The following MICAL2 variants were observed in gnomAD, a reference collection of about 807,000 sequenced individuals.
The protein encoded by MICAL2 is [F-actin]-monooxygenase MICAL2.
A neutral mutation model predicts 127.3 loss-of-function variants in MICAL2; 77 were observed. The observed-to-expected ratio is 0.60, with a 90% confidence interval of 0.50 to 0.73. The LOEUF is 0.73. MICAL2 is among the 30% of genes least tolerant of loss of function. The pLI is 0.00. For synonymous variants in MICAL2, 570 were observed against 551.1 expected, an observed-to-expected ratio of 1.03 and a Z score of -0.48; for missense variants, 1,351 against 1,434.4, an observed-to-expected ratio of 0.94 and a Z score of 0.94.
intron 30 of MICAL2, among the ~76,000 whole-genome samples, chr11:12,322,586 A>G (rs1331337686): frequency 6.6e-6 from 1 of 152,230 alleles, no homozygotes; most frequent in Non-Finnish European, 1.5e-5. Context: ...TTATTCCAGC[A>G]TTAAAAAGAA....
chr11:12,334,005 A>G (rs11022306), intron 32 of MICAL2, among the ~76,000 whole-genome samples: 62,130 of 152,108 alleles, frequency 0.41, 15,352 homozygotes, highest in Non-Finnish European at 0.56. Flanking sequence ...GTTTCGTACC[A>G]TACAAACAAA....
chr11:12,332,185 A>C (rs1006190911), intron 32 of MICAL2, among the ~76,000 whole-genome samples: 1 of 152,196 alleles, frequency 6.6e-6, no homozygotes, highest in Non-Finnish European at 1.5e-5. Flanking sequence ...GGGTTTTAGG[A>C]AATAGATATT....
chr11:12,278,109 G>A (rs1445043632), intron 1 of MICAL2, among the ~76,000 whole-genome samples: 2 of 152,290 alleles, frequency 1.3e-5, no homozygotes, highest in East Asian at 3.9e-4. Flanking sequence ...GTGTGAGTGT[G>A]AAGGCCTAGG....
chr11:12,252,224 C>T (rs945863236), intron 22 of MICAL2, among the ~76,000 whole-genome samples: 2 of 152,200 alleles, frequency 1.3e-5, no homozygotes, highest in African/African-American at 2.4e-5. Flanking sequence ...AGCTGATACA[C>T]CTGAACCTTT....
At chr11:12,249,372 C>T in intron 22 of MICAL2, 126 bp downstream of exon 22, 4 of 630,158 alleles carry the variant, frequency 6.3e-6, no homozygotes, top group African/African-American at 1.8e-5. Flanking sequence ...CACCAGGGGA[C>T]GAAGGTGGGC....
chr11:12,336,096 T>C, intron 32 of MICAL2, among the ~76,000 whole-genome samples: 1 of 152,228 alleles, frequency 6.6e-6, no homozygotes, highest in Non-Finnish European at 1.5e-5. Context: ...CATGGAACGT[T>C]CTTCCATTTG....
rs749808201 is a variant in MICAL2 at position 12,256,871 on chromosome 11, G to A, written c.3042G>A (p.Arg1014=). The change falls in exon 24 of 28, where the codon CGG becomes CGA. Residue 1014 remains arginine, a synonymous_variant. Coordinates refer to ENST00000683283, the MANE Select transcript of MICAL2 (RefSeq NM_001282663.2). ...AGAAACGTGTGTACGTGATGGAACGGCTGAGCGCCGAGGGCCACTTCTTCC... is the reference window on the plus strand; with the variant it reads ...AGAAACGTGTGTACGTGATGGAACGACTGAGCGCCGAGGGCCACTTCTTCC... The part of the protein sequence containing the change: ...FCKKRVYVME[R]LSAEGHFFHR... 7 of 1,614,186 alleles carry A rather than the reference G, an allele frequency of 4.3e-6. No homozygotes were observed. In the Admixed American group the frequency reaches 1.0e-4, roughly 23 times the overall value.
At chr11:12,266,463 A>G (rs1863610263), downstream of MICAL2, among the ~76,000 whole-genome samples, 1 of 152,254 alleles carries the variant, frequency 6.6e-6, no homozygotes, top group African/African-American at 2.4e-5. Context: ...GGCTTAAGTA[A>G]GTAAAAGAAG....
chr11:12,115,455 C>A (rs764829393), intron 1 of MICAL2, among the ~76,000 whole-genome samples: 6 of 151,950 alleles, frequency 3.9e-5, no homozygotes, highest in Admixed American at 1.3e-4. Context: ...TTCTTTTTTT[C>A]CTTTTTAACA....
At chr11:12,123,811 C>T (rs1850698170) in intron 1 of MICAL2, among the ~76,000 whole-genome samples, 1 of 150,602 alleles carries the variant, frequency 6.6e-6, no homozygotes, top group African/African-American at 2.4e-5. Context: ...GGATTTTTAC[C>T]TTCTCTGTGG....
At chr11:12,358,333 G>C in exon 35 of MICAL2, 1 of 1,614,132 alleles carries the variant, frequency 6.2e-7, no homozygotes, top group South Asian at 1.1e-5. Flanking sequence ...CGAAGAGCAA[G>C]AAGTATTCAC....
chr11:12,236,193 G>GA lies in MICAL2; in HGVS notation c.2013dup (p.Glu672ArgfsTer3). ...CCATTGCAGGTGGATGGTCAAACCG[G>GA]AGAGAATGACATGAACAAACGGAGA... is the stretch of plus-strand genomic sequence containing the variant. On this transcript the variant is annotated frameshift_variant, in exon 16 of 28. Transcript: ENST00000683283. LOFTEE classifies it high-confidence loss of function. 1 of 1,614,176 alleles carries GA rather than the reference G, an allele frequency of 6.2e-7. No individual in the cohort carries two copies. Among genetic ancestry groups the GA allele is most frequent in the Non-Finnish European group, 8.5e-7 (1 of 1,180,022 alleles).
At chr11:12,249,029 A>G (rs1457202010) in intron 21 of MICAL2, among the ~76,000 whole-genome samples, 155 bp from the exon 22 acceptor site, 1 of 152,234 alleles carries the variant, frequency 6.6e-6, no homozygotes, top group African/African-American at 2.4e-5. Context: ...TGGAGAGGAC[A>G]GCAACTACTC....
In MICAL2 at chr11:12,220,409, G is replaced by T; in HGVS notation, c.1157G>T (p.Arg386Leu). The change falls in exon 9 of 28, where the codon CGG (arginine) becomes CTG (leucine). Residue 386 changes from arginine (R) to leucine (L), a missense_variant. Arg to Leu is a moderately radical substitution (Grantham distance 102). Around this residue, in one of 2 missense-constraint regions of MICAL2, gnomAD observed 599 missense variants for 714.9 expected, o/e 0.84. Transcript: ENST00000683283. ...GAGAACGCGGCCCTGGTGCGGGAGCGGCAGGCGCACCAGCTGCTCGTGGCC... is the reference window on the plus strand; with the variant it reads ...GAGAACGCGGCCCTGGTGCGGGAGCTGCAGGCGCACCAGCTGCTCGTGGCC... ...ASENAALVRE[R>L]QAHQLLVALV... 6.2e-7 allele frequency: 1 copy of T among 1,613,336 alleles called. No homozygotes were observed. Among genetic ancestry groups the T allele is most frequent in the Admixed American group, 1.7e-5 (1 of 60,038 alleles).
intron 3 of MICAL2, among the ~76,000 whole-genome samples, chr11:12,164,951 A>G (rs1472725986): frequency 1.3e-5 from 2 of 152,132 alleles, no homozygotes; most frequent in African/African-American, 2.4e-5. Flanking sequence ...CCTGGCCAAC[A>G]TGGTGAAACC....
At chr11:12,143,962 C>T (rs1052208745) in intron 2 of MICAL2, among the ~76,000 whole-genome samples, 4 of 151,610 alleles carry the variant, frequency 2.6e-5, no homozygotes, top group Non-Finnish European at 5.9e-5. Flanking sequence ...AGAGAGAGAG[C>T]GCCAGGAACT....
Position 12,204,336 on chromosome 11 carries a change from G to T in MICAL2, c.351G>T (p.Lys117Asn). 1 of 1,614,186 alleles carries T rather than the reference G, an allele frequency of 6.2e-7. No individual in the cohort carries two copies. Among genetic ancestry groups the T allele is most frequent in the Non-Finnish European group, 8.5e-7 (1 of 1,180,020 alleles). Residue 117 changes from lysine to asparagine, a missense_variant, in exon 4 of 28, where the codon AAG becomes AAT. Lys to Asn is a moderately conservative substitution (Grantham distance 94, BLOSUM62 0). This residue lies in a region of MICAL2 where 599 missense variants were observed against 714.9 expected (regional missense o/e 0.84). Coordinates refer to ENST00000683283, the MANE Select transcript of MICAL2 (RefSeq NM_001282663.2). ...GAGCCAAAGTGGTCGTGGTGGAGAAGAGGGACTCCTTCTCCCGGAACAACG... is the reference window on the plus strand; with the variant it reads ...GAGCCAAAGTGGTCGTGGTGGAGAATAGGGACTCCTTCTCCCGGAACAACG... ...YLGAKVVVVE[K>N]RDSFSRNNVL...
At chr11:12,289,716 G>A (rs545546957), downstream of MICAL2, among the ~76,000 whole-genome samples, 90 of 152,018 alleles carry the variant, frequency 5.9e-4, no homozygotes, top group African/African-American at 2.0e-3. Context: ...CCACAGGCGC[G>A]CACCACCATG....
chr11:12,282,752 T>C (rs1863785924), intron 2 of MICAL2, among the ~76,000 whole-genome samples: 2 of 152,218 alleles, frequency 1.3e-5, no homozygotes, highest in South Asian at 4.1e-4. Flanking sequence ...CTTAACTCTG[T>C]AGTTTCTGGC....
Sources: allele counts gnomAD v4.1 joint callset (sites outside exome capture counted in the v4.1 genomes callset), GRCh38; gene constraint gnomAD v4.1.1; regional missense constraint gnomAD v4.1.1; transcripts MANE v1.5; gene names NCBI Gene and HGNC (gene_info 2026-07-23, HGNC 2026-07-21).